The following USP34 variants were observed in gnomAD, a reference collection of about 807,000 sequenced individuals.
USP34 encodes ubiquitin specific peptidase 34.
USP34 carries 70 observed loss-of-function variants against 460.3 expected under a neutral mutation model. The ratio of observed to expected loss-of-function variants is 0.15; its 90% CI spans 0.13 to 0.19. The LOEUF is 0.19. USP34 is among the 10% of genes least tolerant of loss of function. USP34 has a pLI of 1.00. For synonymous variants in USP34, 1,647 were observed against 1,405.3 expected, an observed-to-expected ratio of 1.17 and a Z score of -3.85; for missense variants, 3,985 against 4,236.2, an observed-to-expected ratio of 0.94 and a Z score of 1.65.
chr2:61,423,225 T>C (rs944222432), intron 1 of USP34, among the ~76,000 whole-genome samples: 6 of 152,186 alleles, frequency 3.9e-5, no homozygotes, highest in African/African-American at 1.4e-4. Context: ...GCGATTCTCC[T>C]GCCTCAGCCT....
intron 41 of USP34, among the ~76,000 whole-genome samples, chr2:61,268,042 C>T (rs6545850): frequency 0.54 from 81,777 of 151,920 alleles, 22,242 homozygotes; most frequent in South Asian, 0.73. Flanking sequence ...ATGTGAGCCA[C>T]TGCACCTGGC....
At chr2:61,458,413 T>C (rs1194593594) in intron 1 of USP34, among the ~76,000 whole-genome samples, 1 of 150,958 alleles carries the variant, frequency 6.6e-6, no homozygotes, top group African/African-American at 2.4e-5. Context: ...ATACAAAAAT[T>C]AGCCGGGCGT....
Position 61,220,584 on chromosome 2 carries a change from TTTCACC to T in USP34, c.7900-133_7900-128del, listed in dbSNP as rs1245239869. The T allele has an allele frequency of 5.6e-6, 5 of 899,684 alleles. No homozygotes were observed. In the African/African-American group the frequency reaches 8.6e-5, roughly 16 times the overall value. The allele number at this position is 899,684 out of a possible 1,614,324, so 55.7% of individuals were successfully genotyped here. A position where few individuals can be genotyped will look rare whatever the true frequency, so the allele number is the denominator to read the frequency against. On this transcript the variant is annotated intron_variant, in intron 66 of 79. Coordinates refer to ENST00000398571, the MANE Select transcript of USP34 (RefSeq NM_014709.4). ...TTTTGACAATTAGAGATTAAAAAGG[TTTCACC>T]CTATTTTTTTCCCATTTTTAAAGCT... is the stretch of plus-strand genomic sequence containing the variant.
rs534207572 is a variant in USP34, at chr2:61,227,482, G to A, written c.7444-264C>T. Among the ~76,000 whole-genome samples, 4 of 152,212 alleles carry A rather than the reference G, an allele frequency of 2.6e-5. No individual in the cohort carries two copies. In the East Asian group the frequency reaches 5.8e-4, roughly 22 times the overall value. ...TCCCAGCATTTTGGAAGGCTGAGGC[G>A]GGTGGATCATTTGAGGTCAGGAGTT... On this transcript the variant is annotated intron_variant, in intron 61 of 79. Coordinates refer to ENST00000398571, the MANE Select transcript of USP34 (RefSeq NM_014709.4).
chr2:61,332,505 G>A (rs890177934), intron 19 of USP34, among the ~76,000 whole-genome samples: 1 of 151,940 alleles, frequency 6.6e-6, no homozygotes, highest in Non-Finnish European at 1.5e-5. Flanking sequence ...TTAAGTAACT[G>A]AATATTCAGA....
intron 41 of USP34, among the ~76,000 whole-genome samples, chr2:61,273,268 T>C (rs1156658236): frequency 6.6e-6 from 1 of 152,192 alleles, no homozygotes; most frequent in Non-Finnish European, 1.5e-5. Flanking sequence ...AAATTGAGTA[T>C]CATAAAGTTA....
chr2:61,276,891 C>A (rs896331198), intron 41 of USP34, among the ~76,000 whole-genome samples: 10 of 152,194 alleles, frequency 6.6e-5, no homozygotes, highest in African/African-American at 2.4e-4. Context: ...GGACAATCTT[C>A]TATCCTTTTG....
At chr2:61,393,603 G>C (rs945237237) in intron 5 of USP34, among the ~76,000 whole-genome samples, 4 of 151,962 alleles carry the variant, frequency 2.6e-5, no homozygotes, top group African/African-American at 9.7e-5. Context: ...CCGCATCACT[G>C]CAAAGCACAC....
intron 75 of USP34, among the ~76,000 whole-genome samples, chr2:61,201,884 A>G (rs2103764584): frequency 6.6e-6 from 1 of 152,364 alleles, no homozygotes; most frequent in East Asian, 1.9e-4. Context: ...CTGTACTACT[A>G]GAACTCCTGG....
Position 61,343,997 on chromosome 2 carries a change from T to C in USP34, c.2318A>G (p.Asp773Gly), listed in dbSNP as rs1385666884. ...AACCTGGGAGCTACTACAACTGACA[T>C]CATCTGCACTTAGCATATCATCAAC... ...HMVDDMLSAD[D>G]VSCSSSQVSA... The change falls in exon 16 of 80, where the codon GAT becomes GGT. Residue 773 changes from aspartate to glycine, a missense_variant. By Grantham distance (94) the Asp-to-Gly change is moderately conservative. Around this residue, in one of 14 missense-constraint regions of USP34, gnomAD observed 716 missense variants for 626.2 expected, o/e 1.14. Coordinates refer to ENST00000398571, the MANE Select transcript of USP34 (RefSeq NM_014709.4). 1 of 1,613,880 alleles carries C rather than the reference T, an allele frequency of 6.2e-7. No homozygotes were observed. The highest frequency in any genetic ancestry group is 1.7e-4 in the Middle Eastern group (1 of 6,054).
intron 20 of USP34, among the ~76,000 whole-genome samples, chr2:61,326,415 G>C (rs1299225923): frequency 6.6e-6 from 1 of 152,160 alleles, no homozygotes; most frequent in Non-Finnish European, 1.5e-5. Context: ...TTATAGTAGA[G>C]ACGGGGTTTC....
At chr2:61,446,422 C>T (rs1327082373) in intron 1 of USP34, among the ~76,000 whole-genome samples, 1 of 152,110 alleles carries the variant, frequency 6.6e-6, no homozygotes, top group South Asian at 2.1e-4. Context: ...CAATATTACA[C>T]CAAAACTCAA....
intron 1 of USP34, among the ~76,000 whole-genome samples, chr2:61,460,391 G>T (rs920042386): frequency 3.3e-4 from 51 of 152,256 alleles, no homozygotes; most frequent in African/African-American, 1.2e-3. Flanking sequence ...CTGGTTATCA[G>T]ATCCACTGTG....
At chr2:61,460,901 T>G (rs1228645729) in intron 1 of USP34, among the ~76,000 whole-genome samples, 1 of 150,700 alleles carries the variant, frequency 6.6e-6, no homozygotes, top group African/African-American at 2.4e-5. Flanking sequence ...GACAATCACT[T>G]GAACCTGGGA....
At position 61,394,874 on chromosome 2, in the gene USP34, C is replaced by A; in HGVS notation, c.732G>T (p.Ala244=). 1 of 1,590,376 alleles carries A rather than the reference C, an allele frequency of 6.3e-7. No individual in the cohort carries two copies. Among genetic ancestry groups the A allele is most frequent in the Non-Finnish European group, 8.5e-7 (1 of 1,172,098 alleles). The change falls in exon 5 of 80, where the codon GCG becomes GCT. Residue 244 remains alanine (A), a synonymous_variant. Coordinates refer to ENST00000398571, the MANE Select transcript of USP34 (RefSeq NM_014709.4). ...PETLPFLIAH[A]FITVVSNIRI... is the part of the protein sequence containing the mutation. ...TTACATTAGACACAACTGTAATAAA[C>A]GCATGTGCTATAAGAAATGGCAAAG...
chr2:61,458,967 G>A (rs1186713245), intron 1 of USP34, among the ~76,000 whole-genome samples: 2 of 152,174 alleles, frequency 1.3e-5, no homozygotes, highest in Non-Finnish European at 2.9e-5. Flanking sequence ...TTGGGAGGCT[G>A]AGGCAGGAGA....
chr2:61,412,995 A>G (rs974008723), intron 2 of USP34, among the ~76,000 whole-genome samples: 1 of 152,186 alleles, frequency 6.6e-6, no homozygotes, highest in African/African-American at 2.4e-5. Flanking sequence ...GGAGGTAAGG[A>G]AATTATGAAA....
chr2:61,470,499 G>A (rs1695921808), intron 1 of USP34, 151 bp downstream of exon 1: 3 of 188,950 alleles, frequency 1.6e-5, no homozygotes, highest in Non-Finnish European at 3.1e-5. Context: ...CGCGGCGGCC[G>A]CGCCACCGCG....
At chr2:61,301,937 G>A (rs1690238746) in intron 27 of USP34, among the ~76,000 whole-genome samples, 1 of 151,602 alleles carries the variant, frequency 6.6e-6, no homozygotes, top group African/African-American at 2.4e-5. Flanking sequence ...GGGATGGGAG[G>A]GTGAGGAGAA....
Sources: allele counts gnomAD v4.1 joint callset (sites outside exome capture counted in the v4.1 genomes callset), GRCh38; gene constraint gnomAD v4.1.1; regional missense constraint gnomAD v4.1.1; transcripts MANE v1.5; gene names NCBI Gene and HGNC (gene_info 2026-07-23, HGNC 2026-07-21).